The following CDH4 variants were observed in gnomAD, a reference collection of about 807,000 sequenced individuals.
CDH4 encodes cadherin-4.
CDH4 carries 33 observed loss-of-function variants against 86.0 expected under a neutral mutation model. The observed-to-expected ratio is 0.38, with a 90% CI of 0.29 to 0.51. The LOEUF (loss-of-function observed/expected upper bound fraction) is 0.51. Ranked by LOEUF, CDH4 falls within the 20% of genes least tolerant of loss-of-function variation. The probability of loss-of-function intolerance (pLI) is 0.86; values close to 1 mark genes in which losing one functional copy is unlikely to be tolerated. For missense variants in CDH4, 1,114 were observed against 1,307.4 expected (o/e 0.85, Z 2.28); for synonymous variants, 555 against 549.4 (o/e 1.01, Z -0.14).
chr20:61,419,447 G>A lies in CDH4; in HGVS notation c.169+164510G>A, dbSNP rs182197735. 5.3e-5 allele frequency among the ~76,000 whole-genome samples: 8 copies of A among 152,332 alleles called. No homozygotes were observed. The Middle Eastern group carries it at 0.01, about 194-fold the overall frequency. The stretch of plus-strand genomic sequence containing the variant: ...GATGTAAAAACTCCCTTCCTTGGAA[G>A]TTCTAAAAGACACATTAGGATGAAA... On this transcript the variant is annotated intron_variant, in intron 2 of 15. Coordinates refer to ENST00000614565, the MANE Select transcript of CDH4 (RefSeq NM_001794.5).
At chr20:61,662,584 C>A (rs763945670) in intron 2 of CDH4, among the ~76,000 whole-genome samples, 4 of 152,202 alleles carry the variant, frequency 2.6e-5, no homozygotes, top group Non-Finnish European at 5.9e-5. Flanking sequence ...CCAGCTGTGG[C>A]TGTGTGCCTG....
chr20:61,305,065 G>A (rs2084409233), intron 2 of CDH4, among the ~76,000 whole-genome samples: 2 of 151,820 alleles, frequency 1.3e-5, no homozygotes, highest in South Asian at 4.2e-4. Context: ...TTGTGTATGT[G>A]CAGTGTGTTG....
intron 2 of CDH4, among the ~76,000 whole-genome samples, chr20:61,447,162 CTTGT>C (rs2085355412): frequency 6.6e-6 from 1 of 151,704 alleles, no homozygotes; most frequent in Non-Finnish European, 1.5e-5. Context: ...TGTTTGTTTG[CTTGT>C]TTGTTTTTGA....
At chr20:61,343,762 C>A (rs186170597) in intron 2 of CDH4, among the ~76,000 whole-genome samples, 1 of 152,084 alleles carries the variant, frequency 6.6e-6, no homozygotes, top group East Asian at 1.9e-4. Context: ...GAGCACTTTT[C>A]CCGGCTCATA....
chr20:61,824,397 G>A (rs1308147821), intron 4 of CDH4, among the ~76,000 whole-genome samples: 6 of 151,382 alleles, frequency 4.0e-5, no homozygotes, highest in African/African-American at 4.9e-5. Flanking sequence ...CAACCCCAGC[G>A]ACATGAATTA....
intron 2 of CDH4, among the ~76,000 whole-genome samples, chr20:61,303,195 G>A (rs987847286): frequency 1.4e-4 from 22 of 152,226 alleles, no homozygotes; most frequent in African/African-American, 3.6e-4. Flanking sequence ...TGTTCTCTCA[G>A]CTGTGAAACA....
chr20:61,502,751 T>C (rs1184695599), intron 2 of CDH4, among the ~76,000 whole-genome samples: 1 of 152,248 alleles, frequency 6.6e-6, no homozygotes, highest in Non-Finnish European at 1.5e-5. Context: ...TTTTCTTTTT[T>C]GTTACTGGCA....
At chr20:61,312,641 C>T (rs1304744118) in intron 2 of CDH4, among the ~76,000 whole-genome samples, 2 of 152,170 alleles carry the variant, frequency 1.3e-5, no homozygotes, top group African/African-American at 4.8e-5. Flanking sequence ...TCGTGAGACC[C>T]TACTGTGGTC....
At chr20:61,722,724 G>A (rs1755295237) in intron 2 of CDH4, among the ~76,000 whole-genome samples, 1 of 151,540 alleles carries the variant, frequency 6.6e-6, no homozygotes, top group Admixed American at 6.6e-5. Context: ...GAGCAGTTTG[G>A]TACTCCTAAC....
At chr20:61,478,381 T>C (rs1293289279) in intron 2 of CDH4, among the ~76,000 whole-genome samples, 1 of 151,696 alleles carries the variant, frequency 6.6e-6, no homozygotes, top group African/African-American at 2.4e-5. Context: ...AGTGGTTTAC[T>C]TGTGGAGCAA....
At chr20:61,487,601 C>T (rs1374606581) in intron 2 of CDH4, among the ~76,000 whole-genome samples, 1 of 152,150 alleles carries the variant, frequency 6.6e-6, no homozygotes, top group Non-Finnish European at 1.5e-5. Flanking sequence ...TGCTATTTCC[C>T]CATTCCTCCC....
chr20:61,755,565 A>G (rs1381230853), intron 3 of CDH4, among the ~76,000 whole-genome samples: 1 of 146,532 alleles, frequency 6.8e-6, no homozygotes, highest in African/African-American at 2.6e-5. Context: ...ACACCCACAC[A>G]CATGCCCCAT....
intron 2 of CDH4, among the ~76,000 whole-genome samples, chr20:61,420,596 T>C (rs1042677046): frequency 5.3e-5 from 8 of 152,220 alleles, no homozygotes; most frequent in Non-Finnish European, 8.8e-5. Flanking sequence ...CCAGCAACTC[T>C]CTTCCTCACA....
At chr20:61,734,994 CG>C (rs2088243556) in intron 2 of CDH4, among the ~76,000 whole-genome samples, 1 of 151,102 alleles carries the variant, frequency 6.6e-6, no homozygotes. Flanking sequence ...TGTTGCTCTG[CG>C]GCCCCTCCCT....
chr20:61,296,255 A>G (rs964508740), intron 2 of CDH4, among the ~76,000 whole-genome samples: 2 of 32,568 alleles, frequency 6.1e-5, no homozygotes, highest in Middle Eastern at 0.02. Context: ...GTGTGTGTGC[A>G]TGTGTGCGTG....
intron 2 of CDH4, among the ~76,000 whole-genome samples, chr20:61,499,238 C>T: frequency 6.6e-6 from 1 of 152,238 alleles, no homozygotes; most frequent in Non-Finnish European, 1.5e-5. Flanking sequence ...GCCCACTCAT[C>T]CTCAGCGTCA....
chr20:61,280,427 C>T (rs1568779568), intron 2 of CDH4, among the ~76,000 whole-genome samples: 1 of 152,158 alleles, frequency 6.6e-6, no homozygotes, highest in African/African-American at 2.4e-5. Flanking sequence ...AGGTGTAGGC[C>T]GCGGCACACA....
chr20:61,485,226 A>G (rs2085589458), intron 2 of CDH4, among the ~76,000 whole-genome samples: 1 of 152,206 alleles, frequency 6.6e-6, no homozygotes, highest in Non-Finnish European at 1.5e-5. Flanking sequence ...ATTGTATTCC[A>G]TTAACTTTCT....
Position 61,923,668 on chromosome 20 carries a change from C to T in CDH4, c.1592C>T (p.Ala531Val). 1 of 1,613,968 alleles carries T rather than the reference C, an allele frequency of 6.2e-7. No individual in the cohort carries two copies. The highest frequency in any genetic ancestry group is 8.5e-7 in the Non-Finnish European group (1 of 1,180,040). ...GGCACCGTGCTGACCACGTTTTCAG[C>T]TGTGGACCCTGACCGGTTCATGCAG... ...PPGTVLTTFS[A>V]VDPDRFMQQA... Residue 531 changes from alanine (A) to valine (V), a missense_variant, in exon 10 of 16, where the codon GCT becomes GTT. Around this residue, in one of 3 missense-constraint regions of CDH4, gnomAD observed 705 missense variants for 914.1 expected, o/e 0.77. Coordinates refer to ENST00000614565, the MANE Select transcript of CDH4 (RefSeq NM_001794.5).
Sources: allele counts gnomAD v4.1 joint callset (sites outside exome capture counted in the v4.1 genomes callset), GRCh38; gene constraint gnomAD v4.1.1; regional missense constraint gnomAD v4.1.1; transcripts MANE v1.5; gene names NCBI Gene and HGNC (gene_info 2026-07-23, HGNC 2026-07-21).